The following CSMD2 variants were observed in gnomAD, a reference collection of about 807,000 sequenced individuals.
CSMD2 encodes CUB and Sushi multiple domains 2.
A neutral mutation model predicts 398.5 loss-of-function variants in CSMD2; 130 were observed. The ratio of observed to expected loss-of-function variants is 0.33; its 90% CI spans 0.28 to 0.38. The LOEUF (loss-of-function observed/expected upper bound fraction) is 0.38, where lower values mean the gene tolerates loss of function less well. CSMD2 is among the 10% of genes least tolerant of loss of function. The pLI is 1.00. For missense variants in CSMD2, 3,829 were observed against 4,764.9 expected (o/e 0.80, Z 5.78); for synonymous variants, 1,828 against 1,908.5 (o/e 0.96, Z 1.10).
At position 33,591,533 on chromosome 1, in the gene CSMD2, G is replaced by A. The variant is rs541564124; in HGVS notation, c.6857-4365C>T. On this transcript the variant is annotated intron_variant, in intron 44 of 70. Coordinates refer to ENST00000373381, the MANE Select transcript of CSMD2 (RefSeq NM_001281956.2). ...GCATTTTCTTGTGATACCATCACCTGAGTTTTTAAAATCACCTGCTTTTTT... is the reference window on the plus strand; with the variant it reads ...GCATTTTCTTGTGATACCATCACCTAAGTTTTTAAAATCACCTGCTTTTTT... Among the ~76,000 whole-genome samples, 4 of 152,266 alleles carry A rather than the reference G, an allele frequency of 2.6e-5. No homozygotes were observed. The East Asian group carries it at 7.7e-4, about 29-fold the overall frequency.
chr1:34,086,243 A>G (rs561137319), intron 2 of CSMD2, among the ~76,000 whole-genome samples: 152 of 152,290 alleles, frequency 1.0e-3, no homozygotes, highest in African/African-American at 3.6e-3. Flanking sequence ...AAGTCTACAC[A>G]GGTGCCCCAT....
chr1:33,711,405 C>T (rs957694486), intron 21 of CSMD2, among the ~76,000 whole-genome samples: 4 of 152,168 alleles, frequency 2.6e-5, no homozygotes, highest in Admixed American at 1.3e-4. Context: ...TCTTCATCTG[C>T]CTTCATCTGG....
At chr1:33,607,930 G>A (rs1036453153) in intron 41 of CSMD2, among the ~76,000 whole-genome samples, 3 of 152,282 alleles carry the variant, frequency 2.0e-5, no homozygotes, top group East Asian at 1.9e-4. Flanking sequence ...AAGGCAACTC[G>A]CTGCCCCCTG....
chr1:33,821,570 C>T (rs779293684), intron 7 of CSMD2, among the ~76,000 whole-genome samples: 9 of 152,198 alleles, frequency 5.9e-5, no homozygotes, highest in Non-Finnish European at 8.8e-5. Flanking sequence ...TCCCTCCCAT[C>T]CCATTCAATG....
chr1:33,909,682 T>C (rs1018433305), intron 5 of CSMD2, among the ~76,000 whole-genome samples: 3 of 152,192 alleles, frequency 2.0e-5, no homozygotes, highest in Admixed American at 6.5e-5. Context: ...ATTTTCCCTA[T>C]GAAAGACGAT....
intron 3 of CSMD2, among the ~76,000 whole-genome samples, chr1:34,013,814 G>C (rs1303467818): frequency 6.6e-6 from 1 of 152,072 alleles, no homozygotes; most frequent in Admixed American, 6.5e-5. Context: ...TGACCTCATG[G>C]CTTTCAATAC....
intron 2 of CSMD2, among the ~76,000 whole-genome samples, chr1:34,073,682 A>G (rs1241001416): frequency 6.6e-6 from 1 of 152,268 alleles, no homozygotes; most frequent in Admixed American, 6.5e-5. Flanking sequence ...ATGAATGCAA[A>G]TAAATCCAAA....
intron 1 of CSMD2, among the ~76,000 whole-genome samples, chr1:34,128,166 A>ATCTGGAC (rs1662942558): frequency 6.6e-6 from 1 of 151,988 alleles, no homozygotes; most frequent in Non-Finnish European, 1.5e-5. Context: ...TCTGAGCTCA[A>ATCTGGAC]TCTGGACCTT....
chr1:33,728,916 T>A (rs930283922), intron 15 of CSMD2, among the ~76,000 whole-genome samples: 2 of 152,184 alleles, frequency 1.3e-5, no homozygotes, highest in African/African-American at 2.4e-5. Context: ...ACTTCCTGGG[T>A]AACCCCAGTT....
intron 41 of CSMD2, 55 bp downstream of exon 41, chr1:33,610,986 T>G (rs1640960024): frequency 6.5e-7 from 1 of 1,542,312 alleles, no homozygotes. Flanking sequence ...GGTGGGTGGC[T>G]GGGGCAAGAG....
intron 5 of CSMD2, among the ~76,000 whole-genome samples, chr1:33,851,706 T>G (rs954066678): frequency 3.9e-5 from 6 of 152,302 alleles, no homozygotes; most frequent in African/African-American, 1.4e-4. Context: ...GACTCAGCCT[T>G]GACACCCATT....
intron 43 of CSMD2, 135 bp from the exon 44 acceptor site, chr1:33,601,145 C>A (rs1043824296): frequency 4.3e-6 from 5 of 1,168,060 alleles, no homozygotes; most frequent in Non-Finnish European, 6.0e-6. Context: ...TTCCCCACAC[C>A]ATGCCCTAAA....
chr1:33,704,177 T>G (rs1645699713), intron 22 of CSMD2, among the ~76,000 whole-genome samples: 1 of 152,246 alleles, frequency 6.6e-6, no homozygotes, highest in Admixed American at 6.5e-5. Flanking sequence ...AAGTTTTATT[T>G]GGTTATAGAA....
intron 1 of CSMD2, among the ~76,000 whole-genome samples, chr1:34,089,979 C>T (rs1272787057): frequency 6.6e-6 from 1 of 152,126 alleles, no homozygotes; most frequent in African/African-American, 2.4e-5. Context: ...CCTTACTTCC[C>T]ACTCACTCTC....
intron 13 of CSMD2, among the ~76,000 whole-genome samples, chr1:33,765,206 C>T (rs1650341832): frequency 6.6e-6 from 1 of 152,056 alleles, no homozygotes; most frequent in Admixed American, 6.6e-5. Flanking sequence ...TTTACTCTGA[C>T]AAAATGATTC....
chr1:34,123,441 G>T (rs1329170214), intron 1 of CSMD2, among the ~76,000 whole-genome samples: 2 of 151,960 alleles, frequency 1.3e-5, no homozygotes, highest in African/African-American at 4.8e-5. Flanking sequence ...TGTATCCTTT[G>T]TATATCCTTT....
At chr1:34,081,796 C>G (rs116410908) in intron 2 of CSMD2, among the ~76,000 whole-genome samples, 2,893 of 152,304 alleles carry the variant, frequency 0.019, 53 homozygotes, top group East Asian at 0.053. Flanking sequence ...AAAGTGCTGA[C>G]ATTGCCGCCT....
intron 3 of CSMD2, among the ~76,000 whole-genome samples, chr1:34,028,024 T>A (rs1437576879): frequency 6.6e-6 from 1 of 152,188 alleles, no homozygotes; most frequent in Non-Finnish European, 1.5e-5. Flanking sequence ...TGCTCAGTTA[T>A]ATTTAAATTT....
At chr1:33,586,802 C>A (rs556755352) in intron 45 of CSMD2, among the ~76,000 whole-genome samples, 185 bp from the exon 46 acceptor site, 2 of 152,330 alleles carry the variant, frequency 1.3e-5, no homozygotes, top group Non-Finnish European at 1.5e-5. Context: ...GTGTGAGCCT[C>A]AGAATGTTTC....
Sources: gnomAD v4.1 joint callset for allele counts (sites outside exome capture counted in the v4.1 genomes callset) on GRCh38, gnomAD v4.1.1 for gene constraint, MANE v1.5 for transcripts, NCBI Gene and HGNC (gene_info 2026-07-23, HGNC 2026-07-21) for gene names.